The following STX8 variants were observed in gnomAD, a reference collection of about 807,000 sequenced individuals.
STX8 encodes the protein syntaxin 8, also known as syntaxin-8.
In STX8, 23 loss-of-function variants were observed where a neutral mutation model predicts 37.5. The observed-to-expected ratio is 0.61, with a 90% confidence interval of 0.44 to 0.87. STX8 has a LOEUF of 0.87. Ranked by LOEUF, STX8 falls within the 40% of genes least tolerant of loss-of-function variation. STX8 has a pLI of 0.00. For synonymous variants in STX8, 115 were observed against 99.1 expected (o/e 1.16, Z -0.95); for missense variants, 313 against 284.7 (o/e 1.10, Z -0.71).
intron 4 of STX8, among the ~76,000 whole-genome samples, chr17:9,514,818 C>A (rs9909129): frequency 6.6e-6 from 1 of 152,052 alleles, no homozygotes; most frequent in African/African-American, 2.4e-5. Flanking sequence ...TATTATTTAA[C>A]CTTTTATATA....
chr17:9,421,412 A>ATT (rs60518405), intron 6 of STX8, among the ~76,000 whole-genome samples: 795 of 65,164 alleles, frequency 0.012, 8 homozygotes, highest in Middle Eastern at 0.028. Context: ...AAAAAAAAAA[A>ATT]TTTTTTTTTT....
intron 4 of STX8, among the ~76,000 whole-genome samples, chr17:9,506,993 G>A (rs981705499): frequency 6.6e-6 from 1 of 151,912 alleles, no homozygotes; most frequent in Admixed American, 6.6e-5. Context: ...TGTGACTCTG[G>A]TCCTGCAATG....
At chr17:9,263,886 T>C (rs1290185864) in intron 7 of STX8, among the ~76,000 whole-genome samples, 2 of 152,242 alleles carry the variant, frequency 1.3e-5, no homozygotes, top group African/African-American at 4.8e-5. Context: ...AGGTAGGACC[T>C]GGGTCCCCTC....
chr17:9,487,777 G>A (rs888447526), intron 6 of STX8, among the ~76,000 whole-genome samples: 9 of 152,194 alleles, frequency 5.9e-5, no homozygotes, highest in Non-Finnish European at 1.2e-4. Flanking sequence ...CGAGTCGAAG[G>A]ACCTCTGACT....
In STX8 at chr17:9,573,570, G is replaced by A. The variant is rs115329702; in HGVS notation, c.17+2222C>T. Among the ~76,000 whole-genome samples the A allele has an allele frequency of 7.0e-3, 1,065 of 152,138 alleles. 14 individuals are homozygous for A. The highest frequency in any genetic ancestry group is 0.024 in the African/African-American group (997 of 41,466). On this transcript the variant is annotated intron_variant, in intron 1 of 7. Transcript: ENST00000306357. Reference sequence around the variant, plus strand: ...AGCAAGCTGTTCCCCAACCACCTTGGGCACAGGTCTTCAGAACCTCCTGAG... The same window carrying A: ...AGCAAGCTGTTCCCCAACCACCTTGAGCACAGGTCTTCAGAACCTCCTGAG...
chr17:9,388,829 AC>A (rs1436491104), intron 6 of STX8, among the ~76,000 whole-genome samples: 20 of 146,812 alleles, frequency 1.4e-4, no homozygotes, highest in Admixed American at 4.1e-4. Flanking sequence ...AAAAAAAAAA[AC>A]CATACATTTT....
chr17:9,273,122 G>A (rs1206255535), intron 7 of STX8: 2 of 152,256 alleles, frequency 1.3e-5, no homozygotes, highest in Non-Finnish European at 2.9e-5. Flanking sequence ...GTTAGGAAAA[G>A]TGAGATGGGG....
intron 6 of STX8, among the ~76,000 whole-genome samples, chr17:9,460,527 G>T (rs1415555118): frequency 6.6e-6 from 1 of 151,996 alleles, no homozygotes; most frequent in Non-Finnish European, 1.5e-5. Context: ...ATAAAAATTA[G>T]CTGGGCCTGG....
At chr17:9,510,709 C>T (rs1904996158) in intron 4 of STX8, among the ~76,000 whole-genome samples, 1 of 151,004 alleles carries the variant, frequency 6.6e-6, no homozygotes, top group Non-Finnish European at 1.5e-5. Flanking sequence ...CTCAAGGAAA[C>T]TAGGAAAACA....
chr17:9,453,133 C>T (rs542218185), intron 6 of STX8, among the ~76,000 whole-genome samples: 2 of 152,204 alleles, frequency 1.3e-5, no homozygotes, highest in South Asian at 2.1e-4. Context: ...AGATGTTTCT[C>T]ATCTTTAGTA....
rs865957937 is a variant in STX8 at position 9,471,152 on chromosome 17, T to C, written c.541+20677A>G. 1.6e-3 allele frequency among the ~76,000 whole-genome samples: 71 copies of C among 43,328 alleles called. 1 individual carries two copies. Among genetic ancestry groups the C allele is most frequent in the Non-Finnish European group, 2.2e-3 (54 of 24,584 alleles). The allele number at this position is 43,328 out of a possible 152,430, so 28.4% of individuals were successfully genotyped here. ...CGGGGCGTGAGCCACCGCACCCTGCTTTTTTTTTTTTTTTTTTTTGAGACA... is the reference window on the plus strand; with the variant it reads ...CGGGGCGTGAGCCACCGCACCCTGCCTTTTTTTTTTTTTTTTTTTGAGACA... On this transcript the variant is annotated intron_variant, in intron 6 of 7. Coordinates refer to ENST00000306357, the MANE Select transcript of STX8 (RefSeq NM_004853.3).
intron 7 of STX8, among the ~76,000 whole-genome samples, chr17:9,278,322 C>T (rs763735914): frequency 6.6e-6 from 1 of 152,210 alleles, no homozygotes; most frequent in Non-Finnish European, 1.5e-5. Context: ...GCAGCACATG[C>T]CTGTTAATCC....
chr17:9,462,039 G>C (rs1373164931), intron 6 of STX8, among the ~76,000 whole-genome samples: 1 of 152,172 alleles, frequency 6.6e-6, no homozygotes, highest in African/African-American at 2.4e-5. Context: ...TATAAATACA[G>C]ATGAAGCTTC....
intron 6 of STX8, among the ~76,000 whole-genome samples, chr17:9,487,488 A>C (rs1906648792): frequency 6.6e-6 from 1 of 152,110 alleles, no homozygotes; most frequent in Admixed American, 6.6e-5. Flanking sequence ...TGGTCTTGGC[A>C]GGGATATACT....
chr17:9,537,109 G>A lies in STX8; in HGVS notation c.323+8063C>T, dbSNP rs1463755729. Among the ~76,000 whole-genome samples the A allele has an allele frequency of 2.6e-5, 4 of 152,190 alleles. No individual in the cohort carries two copies. The South Asian group carries it at 6.2e-4, about 24-fold the overall frequency. ...ATGGGCACCTCTTAGCCCACCTTGCGTGGCTTCAGTAACTTCTGATTCTAA... is the reference window on the plus strand; with the variant it reads ...ATGGGCACCTCTTAGCCCACCTTGCATGGCTTCAGTAACTTCTGATTCTAA... On this transcript the variant is annotated intron_variant, in intron 4 of 7. Transcript: ENST00000306357.
intron 7 of STX8, among the ~76,000 whole-genome samples, chr17:9,349,193 T>C (rs927861855): frequency 7.2e-5 from 11 of 152,130 alleles, no homozygotes; most frequent in African/African-American, 2.2e-4. Flanking sequence ...CATTTCACCA[T>C]GTTGGCCAGG....
rs1441683229 is a variant in STX8, at chr17:9,570,421, C to T, written c.18-1951G>A. ...ATTCATGTATATATCATATATATAT[C>T]ACACACATTCACATATATCATATAT... On this transcript the variant is annotated intron_variant, in intron 1 of 7. Coordinates refer to ENST00000306357, the MANE Select transcript of STX8 (RefSeq NM_004853.3). Among the ~76,000 whole-genome samples the T allele has an allele frequency of 2.6e-5, 4 of 152,030 alleles. No homozygotes were observed. The East Asian group carries it at 7.7e-4, about 29-fold the overall frequency.
At chr17:9,436,335 A>C (rs2142378932) in intron 6 of STX8, among the ~76,000 whole-genome samples, 1 of 147,946 alleles carries the variant, frequency 6.8e-6, no homozygotes, top group Middle Eastern at 3.5e-3. Context: ...CAACAGAGCA[A>C]GCCTCCATCG....
intron 6 of STX8, among the ~76,000 whole-genome samples, chr17:9,418,101 C>T (rs1314443780): frequency 6.6e-6 from 1 of 152,180 alleles, no homozygotes; most frequent in Non-Finnish European, 1.5e-5. Context: ...AGACCCAGTG[C>T]TTGCAGCTGG....
Sources: allele counts gnomAD v4.1 joint callset (sites outside exome capture counted in the v4.1 genomes callset), GRCh38; gene constraint gnomAD v4.1.1; transcripts MANE v1.5; gene names NCBI Gene and HGNC (gene_info 2026-07-23, HGNC 2026-07-21).